MMP27: variants seen among roughly 807,000 people sequenced by gnomAD.
The protein encoded by MMP27 is matrix metalloproteinase-27.
In MMP27, 51 loss-of-function variants were observed where a neutral mutation model predicts 48.1. That is an observed-to-expected ratio of 1.06 (90% CI 0.85 to 1.34). The LOEUF is 1.34. Among genes scored for constraint, MMP27 ranks in the 40% most tolerant of loss-of-function variants. The probability of loss-of-function intolerance (pLI) is 0.00; values close to 1 mark genes in which losing one functional copy is unlikely to be tolerated. For missense variants in MMP27, 698 were observed against 619.3 expected (o/e 1.13, Z -1.35); for synonymous variants, 229 against 208.9 (o/e 1.10, Z -0.83).
At chr11:102,696,947 G>T (rs1860843292) in intron 4 of MMP27, 112 bp from the exon 5 acceptor site, 1 of 1,127,092 alleles carries the variant, frequency 8.9e-7, no homozygotes, top group Non-Finnish European at 1.2e-6. Flanking sequence ...CTATACAGCA[G>T]ATAATTCTCA....
intron 6 of MMP27, 23 bp from the exon 7 acceptor site, chr11:102,695,120 T>C (rs369368022): frequency 2.5e-5 from 41 of 1,609,742 alleles, no homozygotes; most frequent in Admixed American, 8.4e-5. Context: ...AAAAACACTT[T>C]ACACATGCAG....
intron 9 of MMP27, among the ~76,000 whole-genome samples, chr11:102,692,365 C>T (rs1860741586): frequency 1.3e-5 from 2 of 152,072 alleles, no homozygotes; most frequent in Non-Finnish European, 2.9e-5. Context: ...TTCTTAGAGC[C>T]GTTCTACTTT....
Position 102,696,799 on chromosome 11 carries a change from C to T in MMP27, c.656G>A (p.Gly219Asp). The change falls in exon 5 of 10, where the codon GGT becomes GAT. Residue 219 changes from glycine (G) to aspartate (D), a missense_variant. Physicochemically the swap from Gly to Asp is moderately conservative, Grantham distance 94 (BLOSUM62 -1). Transcript: ENST00000260229. ...NLFLVAAHEF[G>D]HALGLSHSND... is the part of the protein sequence containing the mutation. ...GGAGTGAGAGAGCCCCAGTGCATGA[C>T]CAAATTCATGAGCAGCCACAAGAAA... 1.9e-6 allele frequency: 3 copies of T among 1,611,882 alleles called. 1 individual carries two copies. The highest frequency in any genetic ancestry group is 2.2e-5 in the South Asian group (2 of 90,342).
chr11:102,697,093 C>G (rs1860845819), intron 4 of MMP27, among the ~76,000 whole-genome samples: 1 of 152,168 alleles, frequency 6.6e-6, no homozygotes, highest in Admixed American at 6.5e-5. Flanking sequence ...GATGGCACAG[C>G]CCACTACACA....
At chr11:102,704,317 C>A (rs1479923140) in intron 2 of MMP27, among the ~76,000 whole-genome samples, 1 of 152,208 alleles carries the variant, frequency 6.6e-6, no homozygotes, top group Non-Finnish European at 1.5e-5. Context: ...GTAACCTCAG[C>A]CACGGTAAAT....
rs745526966 is a variant in MMP27, at chr11:102,705,692, A to C, written c.23T>G (p.Phe8Cys). MKRLLLLFLFFITFSSAF... is the reference protein window; with the variant it reads MKRLLLLCLFFITFSSAF... Reference sequence around the variant, plus strand: ...AGAAGAAAATGTTATAAAGAACAAAAACAGAAGCAGAAGGCGCTTCATTCC... The same window carrying C: ...AGAAGAAAATGTTATAAAGAACAAACACAGAAGCAGAAGGCGCTTCATTCC... Residue 8 changes from phenylalanine (F) to cysteine (C), a missense_variant, in exon 1 of 10, where the codon TTT becomes TGT. Coordinates refer to ENST00000260229, the MANE Select transcript of MMP27 (RefSeq NM_022122.3). 5 of 1,606,928 alleles carry C rather than the reference A, an allele frequency of 3.1e-6. No homozygotes were observed. In the Admixed American group the frequency reaches 6.8e-5, roughly 22 times the overall value.
At position 102,704,674 on chromosome 11, in the gene MMP27, T is replaced by C. The variant is rs761597483; in HGVS notation, c.204A>G (p.Ala68=). The change falls in exon 2 of 10, where the codon GCA becomes GCG. Residue 68 remains alanine (A), a synonymous_variant. Transcript: ENST00000260229. ...LIDDKIREMQ[A]FFGLTVTGKL... The stretch of plus-strand genomic sequence containing the variant: ...TTCCAGTCACTGTCAATCCAAAAAA[T>C]GCTTGCATTTCCCGAATTTTGTCAT... 1.2e-6 allele frequency: 2 copies of C among 1,614,000 alleles called. No individual in the cohort carries two copies. Among genetic ancestry groups the C allele is most frequent in the Admixed American group, 1.7e-5 (1 of 60,008 alleles).
chr11:102,696,826 A>G lies in MMP27; in HGVS notation c.629T>C (p.Leu210Ser), dbSNP rs1446680143. Residue 210 changes from leucine (L) to serine (S), a missense_variant, in exon 5 of 10, where the codon TTG (leucine) becomes TCG (serine). Leu to Ser is a moderately radical substitution (Grantham distance 145, BLOSUM62 -2). Coordinates refer to ENST00000260229, the MANE Select transcript of MMP27 (RefSeq NM_022122.3). ...AAATTCATGAGCAGCCACAAGAAACAAGTTGAATCCTTGATAATAACAGGG... is the reference window on the plus strand; with the variant it reads ...AAATTCATGAGCAGCCACAAGAAACGAGTTGAATCCTTGATAATAACAGGG... ...NWTKDGAGFN[L>S]FLVAAHEFGH... The G allele has an allele frequency of 1.9e-6, 3 of 1,609,374 alleles. No homozygotes were observed. The highest frequency in any genetic ancestry group is 2.5e-6 in the Non-Finnish European group (3 of 1,178,772).
chr11:102,692,140 T>A, intron 9 of MMP27, 130 bp from the exon 10 acceptor site: 1 of 830,136 alleles, frequency 1.2e-6, no homozygotes, highest in Non-Finnish European at 1.7e-6. Context: ...CATACATACA[T>A]TTTAGTTTTC....
Position 102,693,948 on chromosome 11 carries a change from G to T in MMP27, c.1151C>A (p.Thr384Asn). 2.5e-6 allele frequency: 4 copies of T among 1,610,398 alleles called. No homozygotes were observed. Among genetic ancestry groups the T allele is most frequent in the Non-Finnish European group, 3.4e-6 (4 of 1,178,312 alleles). Reference protein sequence around the residue: ...KKIDAAVCDKTTRKTYFFVGI... With the variant: ...KKIDAAVCDKNTRKTYFFVGI... ...CACAAAGAAGTAGGTTTTTCTTGTG[G>T]TCTTATCACAGACGGCTGCATCTAT... is the stretch of plus-strand genomic sequence containing the variant. Residue 384 changes from threonine (T) to asparagine (N), a missense_variant, in exon 8 of 10, where the codon ACC becomes AAC. Thr to Asn is a moderately conservative substitution (Grantham distance 65). Transcript: ENST00000260229.
At chr11:102,701,587 A>G (rs2846704) in intron 4 of MMP27, among the ~76,000 whole-genome samples, 81,594 of 151,984 alleles carry the variant, frequency 0.54, 22,112 homozygotes, top group Middle Eastern at 0.59. Context: ...TACACAACAG[A>G]CATGGTTCAT....
chr11:102,702,720 T>C (rs3809017), intron 4 of MMP27, 33 bp downstream of exon 4: 189,154 of 1,568,858 alleles, frequency 0.12, 14,174 homozygotes, highest in African/African-American at 0.31. Context: ...TTTAGAATAA[T>C]AAGATTTTGT....
chr11:102,701,024 C>A (rs1231003194), intron 4 of MMP27, among the ~76,000 whole-genome samples: 1 of 152,126 alleles, frequency 6.6e-6, no homozygotes, highest in Non-Finnish European at 1.5e-5. Flanking sequence ...TTAAAAATTG[C>A]AATTTTGTTG....
chr11:102,703,377 C>T (rs2846705), intron 2 of MMP27, among the ~76,000 whole-genome samples: 72,910 of 151,976 alleles, frequency 0.48, 17,707 homozygotes, highest in Middle Eastern at 0.53. Context: ...TAAATGACTT[C>T]ACTAAGATCA....
chr11:102,695,641 G>C (rs558847615), intron 6 of MMP27, among the ~76,000 whole-genome samples: 1 of 152,184 alleles, frequency 6.6e-6, no homozygotes, highest in Non-Finnish European at 1.5e-5. Context: ...TCAGAGAATG[G>C]TGGTGATAAC....
Position 102,693,907 on chromosome 11 carries a change from T to C in MMP27, c.1192A>G (p.Arg398Gly), listed in dbSNP as rs1292491709. Residue 398 changes from arginine (R) to glycine (G), a missense_variant and splice_region_variant, in exon 8 of 10, where the codon AGG becomes GGG. Transcript: ENST00000260229. ...TYFFVGIWCWRFDEMTQTMDK... is the reference protein window; with the variant it reads ...TYFFVGIWCWGFDEMTQTMDK... The stretch of plus-strand genomic sequence containing the variant: ...AGTGTCAATTGTCTGTAAACTTACC[T>C]CCAGCACCAAATGCCCACAAAGAAG... 4.4e-6 allele frequency: 7 copies of C among 1,594,726 alleles called. No homozygotes were observed. Among genetic ancestry groups the C allele is most frequent in the South Asian group, 1.2e-5 (1 of 86,704 alleles).
intron 1 of MMP27, among the ~76,000 whole-genome samples, chr11:102,705,176 C>T (rs573816576): frequency 6.6e-6 from 1 of 152,272 alleles, no homozygotes; most frequent in East Asian, 1.9e-4. Flanking sequence ...CCATTTTGCA[C>T]ATGTATTTGC....
intron 7 of MMP27, among the ~76,000 whole-genome samples, chr11:102,694,405 G>A (rs1860784341): frequency 6.6e-6 from 1 of 152,086 alleles, no homozygotes. Flanking sequence ...CAATTATTAT[G>A]TCAATTGAAA....
chr11:102,692,137 A>G, intron 9 of MMP27, 127 bp from the exon 10 acceptor site: 2 of 848,494 alleles, frequency 2.4e-6, no homozygotes, highest in Non-Finnish European at 3.4e-6. Context: ...TCACATACAT[A>G]CATTTTAGTT....
Sources: allele counts gnomAD v4.1 joint callset (sites outside exome capture counted in the v4.1 genomes callset), GRCh38; gene constraint gnomAD v4.1.1; transcripts MANE v1.5; gene names NCBI Gene and HGNC (gene_info 2026-07-23, HGNC 2026-07-21).